The following MYO1H variants were observed in gnomAD, a reference collection of about 807,000 sequenced individuals.
MYO1H encodes the protein myosin IH.
Under a neutral mutation model 149.3 loss-of-function variants are expected in MYO1H, and 118 were observed. The observed-to-expected ratio is 0.79, with a 90% CI of 0.68 to 0.92. The LOEUF (loss-of-function observed/expected upper bound fraction) is 0.92. Ranked by LOEUF, MYO1H falls within the 40% of genes least tolerant of loss-of-function variation. The pLI is 0.00. For missense variants in MYO1H, 1,212 were observed against 1,280.7 expected, an observed-to-expected ratio of 0.95 and a Z score of 0.82; for synonymous variants, 447 against 465.2, an observed-to-expected ratio of 0.96 and a Z score of 0.50.
rs937181078 is a variant in MYO1H, at chr12:109,347,942, T to G, written c.-19T>G. 4.8e-5 allele frequency: 19 copies of G among 398,980 alleles called. No homozygotes were observed. In the East Asian group the frequency reaches 6.8e-4, roughly 14 times the overall value. The allele number at this position is 398,980 out of a possible 1,614,324, so 24.7% of individuals were successfully genotyped here. On this transcript the variant is annotated 5_prime_UTR_variant, in exon 1 of 32. Transcript: ENST00000310903. Reference sequence around the variant, plus strand: ...TCAAGAGGAATAGTTGTTAACAACCTGCTCTCCCTCTGTGCGTGATGGAAT... The same window carrying G: ...TCAAGAGGAATAGTTGTTAACAACCGGCTCTCCCTCTGTGCGTGATGGAAT...
At chr12:109,319,144 T>G in the MYO1H span, among the ~76,000 whole-genome samples, 2 of 152,120 alleles carry the variant, frequency 1.3e-5, no homozygotes, top group Non-Finnish European at 2.9e-5. Flanking sequence ...AGCAGCATTA[T>G]TCACAATAAC....
rs1555254297 is a variant in MYO1H, at chr12:109,427,909, A to AATATATATAT, written c.1949+342_1949+351dup. 3.4e-3 allele frequency among the ~76,000 whole-genome samples: 55 copies of AATATATATAT among 16,406 alleles called. 3 individuals are homozygous for AATATATATAT. Among genetic ancestry groups the AATATATATAT allele is most frequent in the East Asian group, 0.017 (4 of 236 alleles). The allele number at this position is 16,406 out of a possible 152,430, so 10.8% of individuals were successfully genotyped here. A position where few individuals can be genotyped will look rare whatever the true frequency, so the allele number is the denominator to read the frequency against. ...AAAAAAAAAAAAAAAAAAAAAAAAA[A>AATATATATAT]ATATATATATATATATATATATATA... is the stretch of plus-strand genomic sequence containing the variant. On this transcript the variant is annotated intron_variant, in intron 19 of 31. Transcript: ENST00000310903.
At chr12:109,331,762 C>G in the MYO1H span, among the ~76,000 whole-genome samples, 1 of 152,206 alleles carries the variant, frequency 6.6e-6, no homozygotes, top group Non-Finnish European at 1.5e-5. Context: ...CTCCTGCAAA[C>G]AGCTTGAAAA....
In MYO1H at chr12:109,361,837, AAAAG is replaced by A. The variant is rs1269155271; in HGVS notation, c.12+13868_12+13871del. ...ACAAAAAAAAAAAAAAAAAAAAAAA[AAAAG>A]AAGAACCACTAACCAGCAAACCCAA... On this transcript the variant is annotated intron_variant, in intron 1 of 31. Coordinates refer to ENST00000310903, the Ensembl canonical transcript of MYO1H. Among the ~76,000 whole-genome samples, 686 of 149,108 alleles carry A rather than the reference AAAAG, an allele frequency of 4.6e-3. 7 individuals are homozygous for A. Among genetic ancestry groups the A allele is most frequent in the East Asian group, 0.022 (108 of 5,014 alleles).
chr12:109,413,279 G>A (rs915759501), intron 14 of MYO1H, among the ~76,000 whole-genome samples: 3 of 151,972 alleles, frequency 2.0e-5, no homozygotes, highest in Non-Finnish European at 4.4e-5. Context: ...CTGGCCCCAA[G>A]ACCAAATGAA....
chr12:109,438,572 C>T, exon 23 of MYO1H: 1 of 1,613,402 alleles, frequency 6.2e-7, no homozygotes, highest in Non-Finnish European at 8.5e-7. Flanking sequence ...GGGGCCCTGG[C>T]TCGGAAGGCA....
intron 10 of MYO1H, 95 bp downstream of exon 10, chr12:109,408,008 GTGGGCGCCTCA>G (rs1164781786): frequency 6.6e-7 from 1 of 1,518,086 alleles, no homozygotes; most frequent in African/African-American, 1.4e-5. Context: ...AGAATGAACT[GTGGGCGCCTCA>G]TGGGCAGAGA....
At chr12:109,384,142 G>A (rs1869259536) in intron 1 of MYO1H, among the ~76,000 whole-genome samples, 1 of 152,204 alleles carries the variant, frequency 6.6e-6, no homozygotes, top group African/African-American at 2.4e-5. Flanking sequence ...ACCAGCTGGA[G>A]CCAGACAGTA....
chr12:109,355,651 C>T (rs1868574402), intron 1 of MYO1H, among the ~76,000 whole-genome samples: 1 of 151,772 alleles, frequency 6.6e-6, no homozygotes. Flanking sequence ...GAACCACAGC[C>T]TTAGGTTTTT....
rs200375418 is a variant in MYO1H at position 109,443,149 on chromosome 12, CGTAT to C, written c.2689-362_2689-359del. 2.6e-5 allele frequency among the ~76,000 whole-genome samples: 2 copies of C among 76,866 alleles called. 1 individual carries two copies. Among genetic ancestry groups the C allele is most frequent in the African/African-American group, 1.4e-4 (2 of 13,830 alleles). The allele number at this position is 76,866 out of a possible 152,430, so 50.4% of individuals were successfully genotyped here. On this transcript the variant is annotated intron_variant, in intron 27 of 31. Coordinates refer to ENST00000310903, the Ensembl canonical transcript of MYO1H. ...ACGTATATATGTGTGTATATGTGTA[CGTAT>C]GTGTGTGTATATGTGTACGTATGTG...
At chr12:109,418,123 G>C (rs1871011583) in intron 15 of MYO1H, among the ~76,000 whole-genome samples, 1 of 151,452 alleles carries the variant, frequency 6.6e-6, no homozygotes, top group Non-Finnish European at 1.5e-5. Context: ...GCCTAAGATT[G>C]GGTTGTTTTT....
chr12:109,318,082 GT>G, the MYO1H span, among the ~76,000 whole-genome samples: 1 of 152,192 alleles, frequency 6.6e-6, no homozygotes, highest in Admixed American at 6.5e-5. Context: ...ACATATAGTT[GT>G]TGGTACATAG....
Position 109,442,280 on chromosome 12 carries a change from G to A in MYO1H, c.2688+8G>A, listed in dbSNP as rs766528069. 18 of 1,612,868 alleles carry A rather than the reference G, an allele frequency of 1.1e-5. No homozygotes were observed. The East Asian group carries it at 2.9e-4, about 26-fold the overall frequency. On this transcript the variant is annotated splice_region_variant and intron_variant, in intron 27 of 31. Transcript: ENST00000310903. ...AGCCATGAGAAAATCCAGGTAAGGCGATGTGTGTCCTCAGTCTCAAACAGG... is the reference window on the plus strand; with the variant it reads ...AGCCATGAGAAAATCCAGGTAAGGCAATGTGTGTCCTCAGTCTCAAACAGG...
At chr12:109,365,620 C>T (rs1868850510) in intron 1 of MYO1H, among the ~76,000 whole-genome samples, 1 of 152,136 alleles carries the variant, frequency 6.6e-6, no homozygotes, top group Non-Finnish European at 1.5e-5. Flanking sequence ...ATCTGTGGGT[C>T]TTAGATAGTT....
intron 5 of MYO1H, 143 bp from the exon 6 acceptor site, chr12:109,400,950 A>G: frequency 2.7e-6 from 2 of 735,994 alleles, no homozygotes; most frequent in African/African-American, 1.8e-5. Flanking sequence ...TACTAATGAC[A>G]GAAGATTGAT....
At chr12:109,375,514 T>C (rs915017135) in intron 1 of MYO1H, among the ~76,000 whole-genome samples, 1 of 152,240 alleles carries the variant, frequency 6.6e-6, no homozygotes, top group Non-Finnish European at 1.5e-5. Context: ...TTGAACTGTT[T>C]GATTTTTCTT....
At chr12:109,427,713 T>A in intron 19 of MYO1H, 127 bp downstream of exon 19, 1 of 648,312 alleles carries the variant, frequency 1.5e-6, no homozygotes, top group Non-Finnish European at 2.8e-6. Context: ...CTGCTGTAGT[T>A]ATGACAGCTA....
upstream of MYO1H, among the ~76,000 whole-genome samples, chr12:109,344,341 G>A (rs984557669): frequency 1.3e-5 from 2 of 152,078 alleles, no homozygotes; most frequent in Non-Finnish European, 2.9e-5. Context: ...CTATATTTTT[G>A]TATGCTGGCA....
At chr12:109,421,955 T>C (rs1211272171) in intron 16 of MYO1H, among the ~76,000 whole-genome samples, 1 of 152,040 alleles carries the variant, frequency 6.6e-6, no homozygotes, top group Non-Finnish European at 1.5e-5. Flanking sequence ...TCTGAGTAGC[T>C]AGGACTTCAG....
Sources: allele counts gnomAD v4.1 joint callset (sites outside exome capture counted in the v4.1 genomes callset), GRCh38; gene constraint gnomAD v4.1.1; transcripts MANE v1.5; gene names NCBI Gene and HGNC (gene_info 2026-07-23, HGNC 2026-07-21).